NRXN1: variants seen among roughly 807,000 people sequenced by gnomAD.
NRXN1 encodes the protein neurexin-1.
A neutral mutation model predicts 150.9 loss-of-function variants in NRXN1; 39 were observed. The ratio of observed to expected loss-of-function variants is 0.26; its 90% CI spans 0.20 to 0.34. The LOEUF is 0.34. Ranked by LOEUF, NRXN1 falls within the 10% of genes least tolerant of loss-of-function variation. The probability of loss-of-function intolerance (pLI) is 1.00; values close to 1 mark genes in which losing one functional copy is unlikely to be tolerated. For synonymous variants in NRXN1, 924 were observed against 757.0 expected (o/e 1.22, Z -3.62); for missense variants, 1,815 against 1,949.9 (o/e 0.93, Z 1.30).
chr2:50,683,832 G>A (rs972080385), intron 5 of NRXN1, among the ~76,000 whole-genome samples: 9 of 150,170 alleles, frequency 6.0e-5, no homozygotes, highest in African/African-American at 2.0e-4. Context: ...GTTAACTCAC[G>A]TTAGCAAGTT....
intron 17 of NRXN1, among the ~76,000 whole-genome samples, chr2:50,322,655 T>C (rs1318316574): frequency 6.6e-6 from 1 of 152,236 alleles, no homozygotes; most frequent in South Asian, 2.1e-4. Flanking sequence ...CCAAGATTTA[T>C]TTGTAAATCA....
chr2:50,187,066 A>G (rs75625858), intron 18 of NRXN1, among the ~76,000 whole-genome samples: 2,977 of 152,142 alleles, frequency 0.02, 81 homozygotes, highest in African/African-American at 0.069. Context: ...AATCATAGTT[A>G]ATAACATCAT....
chr2:50,160,053 C>T (rs1481706299), intron 18 of NRXN1, among the ~76,000 whole-genome samples: 1 of 152,044 alleles, frequency 6.6e-6, no homozygotes, highest in Non-Finnish European at 1.5e-5. Flanking sequence ...CTTGAAGATT[C>T]TGCATCAAAT....
chr2:50,871,956 A>C (rs746810905), intron 5 of NRXN1, among the ~76,000 whole-genome samples: 15 of 151,840 alleles, frequency 9.9e-5, no homozygotes, highest in Non-Finnish European at 1.9e-4. Flanking sequence ...GGATATGCTT[A>C]TGTATTTTAA....
chr2:50,218,452 T>C (rs2063552084), intron 18 of NRXN1, among the ~76,000 whole-genome samples: 1 of 151,750 alleles, frequency 6.6e-6, no homozygotes, highest in South Asian at 2.1e-4. Flanking sequence ...CACATTCTAC[T>C]GGAGATTTGA....
At chr2:50,392,922 C>T (rs1294529986) in intron 17 of NRXN1, among the ~76,000 whole-genome samples, 1 of 151,940 alleles carries the variant, frequency 6.6e-6, no homozygotes, top group Admixed American at 6.6e-5. Context: ...AGTCCAAGAC[C>T]AGCAAAATGT....
chr2:50,163,753 C>T lies in NRXN1; in HGVS notation c.3547-72259G>A, dbSNP rs369471960. Among the ~76,000 whole-genome samples, 24 of 152,222 alleles carry T rather than the reference C, an allele frequency of 1.6e-4. No homozygotes were observed. In the East Asian group the frequency reaches 4.1e-3, roughly 26 times the overall value. On this transcript the variant is annotated intron_variant, in intron 18 of 22. Coordinates refer to ENST00000401669, the MANE Select transcript of NRXN1 (RefSeq NM_001330078.2). ...TTCTTGACGTGTGTTAACATATACACGTTTTGATCTACTCTTGAAGTAATT... is the reference window on the plus strand; with the variant it reads ...TTCTTGACGTGTGTTAACATATACATGTTTTGATCTACTCTTGAAGTAATT...
At chr2:49,964,300 G>C (rs1179205839) in intron 21 of NRXN1, among the ~76,000 whole-genome samples, 1 of 152,134 alleles carries the variant, frequency 6.6e-6, no homozygotes, top group African/African-American at 2.4e-5. Flanking sequence ...CATATACTAA[G>C]AAGTCTTCGG....
chr2:49,929,709 C>T (rs1669790365), intron 22 of NRXN1, among the ~76,000 whole-genome samples: 1 of 152,122 alleles, frequency 6.6e-6, no homozygotes, highest in Non-Finnish European at 1.5e-5. Flanking sequence ...GCTCAAATGT[C>T]CCATCTTTTA....
chr2:50,565,572 C>A (rs1474032359), intron 8 of NRXN1, among the ~76,000 whole-genome samples: 1 of 151,960 alleles, frequency 6.6e-6, no homozygotes, highest in African/African-American at 2.4e-5. Flanking sequence ...CTTCTGAGTT[C>A]TGAAAAGTCC....
chr2:50,520,635 G>C (rs990055045), intron 12 of NRXN1, among the ~76,000 whole-genome samples: 3 of 151,822 alleles, frequency 2.0e-5, no homozygotes, highest in Non-Finnish European at 4.4e-5. Context: ...CTGCCTATTG[G>C]CTGAACTAAT....
At chr2:50,992,860 T>C (rs1183414778) in intron 2 of NRXN1, among the ~76,000 whole-genome samples, 1 of 151,948 alleles carries the variant, frequency 6.6e-6, no homozygotes, top group Non-Finnish European at 1.5e-5. Flanking sequence ...TGGGTCAATA[T>C]AACATATGGT....
At chr2:50,548,185 C>G (rs1035889799) in intron 9 of NRXN1, 1 of 152,144 alleles carries the variant, frequency 6.6e-6, no homozygotes, top group Non-Finnish European at 1.5e-5. Context: ...GAGTTACCAC[C>G]TTCCTTCTTG....
At chr2:50,377,497 T>C (rs998751165) in intron 17 of NRXN1, among the ~76,000 whole-genome samples, 2 of 152,190 alleles carry the variant, frequency 1.3e-5, no homozygotes, top group Non-Finnish European at 2.9e-5. Context: ...ATTTAATCTA[T>C]CATTGATGGG....
chr2:50,140,987 T>A (rs1026115987), intron 18 of NRXN1, among the ~76,000 whole-genome samples: 1 of 152,096 alleles, frequency 6.6e-6, no homozygotes, highest in Non-Finnish European at 1.5e-5. Flanking sequence ...TGTTTACATA[T>A]ATAAAGCACA....
intron 8 of NRXN1, chr2:50,616,594 T>C (rs1195878124): frequency 6.6e-6 from 1 of 152,192 alleles, no homozygotes; most frequent in Admixed American, 6.6e-5. Flanking sequence ...TTAAATATTA[T>C]ATTTTCCTTG....
intron 5 of NRXN1, among the ~76,000 whole-genome samples, chr2:50,655,237 C>G (rs1686255053): frequency 6.7e-6 from 1 of 148,964 alleles, no homozygotes; most frequent in Admixed American, 6.7e-5. Context: ...CCATCTGTAT[C>G]TTTCATATTT....
intron 19 of NRXN1, among the ~76,000 whole-genome samples, chr2:50,090,386 T>C (rs944400007): frequency 6.6e-6 from 1 of 152,254 alleles, no homozygotes; most frequent in South Asian, 2.1e-4. Context: ...GAAATGTATT[T>C]TTATACTTTT....
At chr2:50,083,459 T>C (rs1698272334) in intron 19 of NRXN1, among the ~76,000 whole-genome samples, 1 of 152,196 alleles carries the variant, frequency 6.6e-6, no homozygotes, top group Non-Finnish European at 1.5e-5. Flanking sequence ...TTGGTCTCAC[T>C]GACTTCAAGA....
Sources: allele counts gnomAD v4.1 joint callset (sites outside exome capture counted in the v4.1 genomes callset), GRCh38; gene constraint gnomAD v4.1.1; transcripts MANE v1.5; gene names NCBI Gene and HGNC (gene_info 2026-07-23, HGNC 2026-07-21).